GAN: variants seen among roughly 807,000 people sequenced by gnomAD.
GAN encodes epididymis secretory sperm binding protein.
Under a neutral mutation model 71.3 loss-of-function variants are expected in GAN, and 48 were observed. The observed-to-expected ratio is 0.67, with a 90% confidence interval of 0.53 to 0.86. The LOEUF (loss-of-function observed/expected upper bound fraction) is 0.86, where lower values mean the gene tolerates loss of function less well. GAN is among the 40% of genes least tolerant of loss of function. The pLI is 0.00. For synonymous variants in GAN, 386 were observed against 276.8 expected (o/e 1.39, Z -3.92); for missense variants, 928 against 770.1 (o/e 1.21, Z -2.43).
chr16:81,332,989 C>T lies in GAN; in HGVS notation c.167+17709C>T, dbSNP rs568323653. ...GTGCAATGGCTCATGCCTGTAATCC[C>T]AGCACTTTGGGAGGCTGAGGTGGGC... On this transcript the variant is annotated intron_variant, in intron 1 of 10. Coordinates refer to ENST00000648994, the MANE Select transcript of GAN (RefSeq NM_022041.4). 3.0e-4 allele frequency among the ~76,000 whole-genome samples: 45 copies of T among 152,160 alleles called. No individual in the cohort carries two copies. The South Asian group carries it at 6.9e-3, about 23-fold the overall frequency.
chr16:81,385,701 C>G lies in GAN; in HGVS notation c.*8105C>G, dbSNP rs934392379. ...TGAGTGTCCCAGGCCTTATAGCTTT[C>G]CACATTCTCACGTCTGCTGCCACAT... On this transcript the variant is annotated 3_prime_UTR_variant, in exon 11 of 11. Coordinates refer to ENST00000648994, the MANE Select transcript of GAN (RefSeq NM_022041.4). 2.6e-5 allele frequency: 4 copies of G among 152,010 alleles called. No homozygotes were observed. Among genetic ancestry groups the G allele is most frequent in the African/African-American group, 7.3e-5 (3 of 41,330 alleles). 9.4% of individuals were successfully genotyped at this position (152,010 alleles called of 1,614,324 possible).
rs1908980441 is a variant in GAN at position 81,315,065 on chromosome 16, C to G, written c.-49C>G. 2 of 1,411,110 alleles carry G rather than the reference C, an allele frequency of 1.4e-6. No individual in the cohort carries two copies. Among genetic ancestry groups the G allele is most frequent in the African/African-American group, 1.5e-5 (1 of 66,948 alleles). 87.4% of individuals were successfully genotyped at this position (1,411,110 alleles called of 1,614,324 possible). On this transcript the variant is annotated 5_prime_UTR_variant, in exon 1 of 11. Coordinates refer to ENST00000648994, the MANE Select transcript of GAN (RefSeq NM_022041.4). Reference sequence around the variant, plus strand: ...GACTCGGGCCGCTCGAGGGGTCCGGCCGGACGGTGTCGGGAGCCGGACCCG... The same window carrying G: ...GACTCGGGCCGCTCGAGGGGTCCGGGCGGACGGTGTCGGGAGCCGGACCCG...
chr16:81,351,517 G>A lies in GAN; in HGVS notation c.168-66G>A, dbSNP rs9935105. 19,306 of 772,696 alleles carry A rather than the reference G, an allele frequency of 0.025. 549 individuals are homozygous for A. The highest frequency in any genetic ancestry group is 0.093 in the East Asian group (3,692 of 39,522). 47.9% of individuals were successfully genotyped at this position (772,696 alleles called of 1,614,324 possible). A position where few individuals can be genotyped will look rare whatever the true frequency, so the allele number is the denominator to read the frequency against. Reference sequence around the variant, plus strand: ...TATCTTATACGTTATAGAGTTTTGAGTACATAAATATTTATAGCTATTTCT... The same window carrying A: ...TATCTTATACGTTATAGAGTTTTGAATACATAAATATTTATAGCTATTTCT... On this transcript the variant is annotated intron_variant, in intron 1 of 10. Coordinates refer to ENST00000648994, the MANE Select transcript of GAN (RefSeq NM_022041.4).
At chr16:81,336,619 C>T (rs1487567861) in intron 1 of GAN, among the ~76,000 whole-genome samples, 1 of 145,246 alleles carries the variant, frequency 6.9e-6, no homozygotes, top group Non-Finnish European at 1.5e-5. Flanking sequence ...GTGCACACCA[C>T]CCCAGTTGGC....
intron 1 of GAN, among the ~76,000 whole-genome samples, chr16:81,348,316 C>CT (rs1276683743): frequency 6.6e-6 from 1 of 152,164 alleles, no homozygotes; most frequent in African/African-American, 2.4e-5. Flanking sequence ...AATATCCTGT[C>CT]TTTTCCCTCT....
intron 9 of GAN, among the ~76,000 whole-genome samples, chr16:81,375,533 C>T (rs1357908594): frequency 6.6e-6 from 1 of 151,874 alleles, no homozygotes; most frequent in Non-Finnish European, 1.5e-5. Context: ...CGCCATGTTG[C>T]CCAGCTGGTC....
intron 1 of GAN, among the ~76,000 whole-genome samples, chr16:81,344,406 G>A (rs945610906): frequency 1.3e-5 from 2 of 152,126 alleles, no homozygotes; most frequent in African/African-American, 2.4e-5. Context: ...GCATGGTACT[G>A]GTACCAAACA....
chr16:81,357,427 G>A (rs1056483281), intron 4 of GAN, among the ~76,000 whole-genome samples: 7 of 152,194 alleles, frequency 4.6e-5, no homozygotes, highest in Non-Finnish European at 7.3e-5. Flanking sequence ...CCCTACAAAG[G>A]ACATGAACTC....
intron 9 of GAN, among the ~76,000 whole-genome samples, chr16:81,367,256 C>T (rs1207117022): frequency 6.6e-6 from 1 of 152,150 alleles, no homozygotes; most frequent in Non-Finnish European, 1.5e-5. Flanking sequence ...GGTGCACTGG[C>T]TCCAGGCTAT....
intron 5 of GAN, 136 bp from the exon 6 acceptor site, chr16:81,362,363 T>G: frequency 1.4e-6 from 1 of 698,856 alleles, no homozygotes; most frequent in South Asian, 1.5e-5. Context: ...CAATGGGATG[T>G]GATAAAAGCC....
chr16:81,365,363 G>A lies in GAN; in HGVS notation c.1387G>A (p.Ala463Thr). ...PLKERRFGAVACGVAMELYVF... is the reference protein window; with the variant it reads ...PLKERRFGAVTCGVAMELYVF... ...GTGGCCTTTCAGGTTTGGAGCGGTG[G>A]CCTGTGGAGTTGCTATGGAGCTGTA... The change falls in exon 9 of 11, where the codon GCC becomes ACC. Residue 463 changes from alanine (A) to threonine (T), a missense_variant. Ala to Thr is a moderately conservative substitution (Grantham distance 58). Coordinates refer to ENST00000648994, the MANE Select transcript of GAN (RefSeq NM_022041.4). 2 of 1,613,858 alleles carry A rather than the reference G, an allele frequency of 1.2e-6. No individual in the cohort carries two copies. The highest frequency in any genetic ancestry group is 2.2e-5 in the East Asian group (1 of 44,872).
At position 81,365,392 on chromosome 16, in the gene GAN, G is replaced by A. The variant is rs998119133; in HGVS notation, c.1416G>A (p.Val472=). Residue 472 remains valine, a synonymous_variant, in exon 9 of 11, where the codon GTG becomes GTA. Transcript: ENST00000648994. ...GTGGAGTTGCTATGGAGCTGTATGT[G>A]TTTGGGGGAGTCCGAAGTCGTGAGG... ...VACGVAMELY[V]FGGVRSREDA... The A allele has an allele frequency of 5.6e-6, 9 of 1,613,724 alleles. No homozygotes were observed. Among genetic ancestry groups the A allele is most frequent in the Admixed American group, 1.7e-5 (1 of 59,970 alleles).
intron 1 of GAN, among the ~76,000 whole-genome samples, chr16:81,337,464 T>G (rs981161009): frequency 7.9e-5 from 12 of 152,348 alleles, no homozygotes; most frequent in African/African-American, 2.6e-4. Flanking sequence ...TCTATCACTG[T>G]TATGTCAAGC....
chr16:81,315,349 G>C, intron 1 of GAN, 69 bp downstream of exon 1: 1 of 1,197,100 alleles, frequency 8.4e-7, no homozygotes, highest in Non-Finnish European at 1.1e-6. Context: ...CGGCCGGGCC[G>C]GGCGTGGCCC....
chr16:81,338,136 GTA>G (rs1270195691), intron 1 of GAN, among the ~76,000 whole-genome samples: 9 of 152,136 alleles, frequency 5.9e-5, no homozygotes, highest in Non-Finnish European at 1.3e-4. Context: ...GACATGCATA[GTA>G]TTTATATTTG....
chr16:81,334,302 C>A (rs1909682465), intron 1 of GAN, among the ~76,000 whole-genome samples: 1 of 152,150 alleles, frequency 6.6e-6, no homozygotes, highest in Non-Finnish European at 1.5e-5. Flanking sequence ...GTGGCTGTGG[C>A]CTCCTGGGAG....
At chr16:81,369,285 A>G (rs1000166894) in intron 9 of GAN, among the ~76,000 whole-genome samples, 1 of 152,192 alleles carries the variant, frequency 6.6e-6, no homozygotes, top group African/African-American at 2.4e-5. Flanking sequence ...AAGTCCCCGG[A>G]GCTCTGCTTC....
rs1185694631 is a variant in GAN at position 81,379,108 on chromosome 16, G to T, written c.*1512G>T. 6.6e-6 allele frequency: 1 copy of T among 151,916 alleles called. No homozygotes were observed. Among genetic ancestry groups the T allele is most frequent in the African/African-American group, 2.4e-5 (1 of 41,340 alleles). 9.4% of individuals were successfully genotyped at this position (151,916 alleles called of 1,614,324 possible). On this transcript the variant is annotated 3_prime_UTR_variant, in exon 11 of 11. Transcript: ENST00000648994. ...TTTGTCTTATTAACACATGTATAAA[G>T]GTATCCTTTGGTTTTAAGTCGAGAA...
At chr16:81,362,026 A>G (rs1910690885) in intron 5 of GAN, among the ~76,000 whole-genome samples, 1 of 152,204 alleles carries the variant, frequency 6.6e-6, no homozygotes, top group South Asian at 2.1e-4. Flanking sequence ...TTGCAGAAGA[A>G]TAACCTAATA....
Sources: allele counts gnomAD v4.1 joint callset (sites outside exome capture counted in the v4.1 genomes callset), GRCh38; gene constraint gnomAD v4.1.1; transcripts MANE v1.5; gene names NCBI Gene and HGNC (gene_info 2026-07-23, HGNC 2026-07-21).